GLIS3: variants seen among roughly 807,000 people sequenced by gnomAD.
GLIS3 encodes zinc finger protein GLIS3.
In GLIS3, 53 loss-of-function variants were observed where a neutral mutation model predicts 78.6. The ratio of observed to expected loss-of-function variants is 0.67; its 90% CI spans 0.54 to 0.85. GLIS3 has a LOEUF of 0.85. GLIS3 is among the 40% of genes least tolerant of loss of function. GLIS3 has a pLI of 0.00. For synonymous variants in GLIS3, 684 were observed against 509.9 expected, an observed-to-expected ratio of 1.34 and a Z score of -4.60; for missense variants, 1,703 against 1,231.1, an observed-to-expected ratio of 1.38 and a Z score of -5.74.
At chr9:4,111,260 G>C (rs186099994) in intron 4 of GLIS3, among the ~76,000 whole-genome samples, 91 of 152,252 alleles carry the variant, frequency 6.0e-4, no homozygotes, top group African/African-American at 2.0e-3. Flanking sequence ...CCATCATGTA[G>C]TTAATGATTT....
intron 2 of GLIS3, among the ~76,000 whole-genome samples, chr9:4,321,415 C>T (rs971313559): frequency 2.8e-5 from 1 of 35,274 alleles, no homozygotes; most frequent in South Asian, 1.0e-3. Flanking sequence ...GAGCTAGACT[C>T]CGTCTCAAAA....
intron 2 of GLIS3, among the ~76,000 whole-genome samples, chr9:4,201,474 C>G (rs905266960): frequency 1.3e-5 from 2 of 152,204 alleles, no homozygotes; most frequent in Non-Finnish European, 2.9e-5. Context: ...TGATAAACGA[C>G]TTCAGTGAAG....
intron 4 of GLIS3, among the ~76,000 whole-genome samples, chr9:4,002,063 T>C (rs1174693424): frequency 6.6e-6 from 1 of 152,190 alleles, no homozygotes; most frequent in Admixed American, 6.6e-5. Flanking sequence ...ATTAAGGATT[T>C]CTGATATGGA....
chr9:4,118,597 T>A lies in GLIS3; in HGVS notation c.881A>T (p.His294Leu). The change falls in exon 4 of 11, where the codon CAC (histidine) becomes CTC (leucine). Residue 294 changes from histidine to leucine, a missense_variant. Transcript: ENST00000381971. The surrounding 1 kb of genome is among the most constrained non-coding windows in gnomAD (Gnocchi z 4.7). ...PSPRHSSTRS[H>L]SARSKKRALS... ...CGCTCTCTTCTTGGAGCGGGCCGAG[T>A]GGGACCTGGTGGATGAGTGCCGAGG... is the stretch of plus-strand genomic sequence containing the variant. 6.2e-7 allele frequency: 1 copy of A among 1,614,066 alleles called. No homozygotes were observed. The highest frequency in any genetic ancestry group is 8.5e-7 in the Non-Finnish European group (1 of 1,180,008).
intron 2 of GLIS3, among the ~76,000 whole-genome samples, chr9:4,160,067 T>C (rs981821859): frequency 3.5e-4 from 53 of 152,212 alleles, no homozygotes; most frequent in Non-Finnish European, 7.3e-5. Flanking sequence ...TTTATTATCA[T>C]AAAGGATGAG....
chr9:3,898,984 G>A lies in GLIS3; in HGVS notation c.1984-149C>T, dbSNP rs1823082586. On this transcript the variant is annotated intron_variant, in intron 6 of 10. Transcript: ENST00000381971. ...GGTAAGGCACAGAGCTTAACAGAGT[G>A]TCAATAAAAGGATCAGTTCTCCAAT... 3.2e-6 allele frequency: 3 copies of A among 944,634 alleles called. No individual in the cohort carries two copies. The East Asian group carries it at 7.9e-5, about 25-fold the overall frequency. The allele number at this position is 944,634 out of a possible 1,614,324, so 58.5% of individuals were successfully genotyped here. A position where few individuals can be genotyped will look rare whatever the true frequency, so the allele number is the denominator to read the frequency against.
chr9:3,948,491 T>C (rs1816447522), intron 4 of GLIS3, among the ~76,000 whole-genome samples: 1 of 152,204 alleles, frequency 6.6e-6, no homozygotes, highest in Non-Finnish European at 1.5e-5. Flanking sequence ...TTGATCCCTA[T>C]AATTCTTATG....
At chr9:4,047,792 G>A (rs1264723452) in intron 4 of GLIS3, among the ~76,000 whole-genome samples, 1 of 152,116 alleles carries the variant, frequency 6.6e-6, no homozygotes, top group East Asian at 1.9e-4. Flanking sequence ...CATGAACCTG[G>A]GTGTTATGGC....
the GLIS3 span, among the ~76,000 whole-genome samples, chr9:4,385,778 AAAG>A: frequency 5.4e-5 from 4 of 74,382 alleles, no homozygotes; most frequent in Non-Finnish European, 1.0e-4. Flanking sequence ...AGAAAGAAAG[AAAG>A]AAAGAAAGAA....
At chr9:4,133,290 T>C (rs1364230285) in intron 2 of GLIS3, among the ~76,000 whole-genome samples, 1 of 152,080 alleles carries the variant, frequency 6.6e-6, no homozygotes, top group Admixed American at 6.5e-5. Flanking sequence ...GTATGTAATA[T>C]GCCATCTACA....
chr9:4,202,888 C>T (rs1819529295), intron 2 of GLIS3, among the ~76,000 whole-genome samples: 3 of 152,162 alleles, frequency 2.0e-5, no homozygotes, highest in Admixed American at 2.0e-4. Context: ...CTAGGAAACA[C>T]CATTCTGGAC....
rs140593934 is a variant in GLIS3 at position 3,903,958 on chromosome 9, A to G, written c.1984-5123T>C. ...TGGGGTGTAACACTGAGAGAGAAGG[A>G]AGAAATGAGGTCTGAGGTCACCCTG... On this transcript the variant is annotated intron_variant, in intron 6 of 10. Transcript: ENST00000381971. 2.0e-3 allele frequency among the ~76,000 whole-genome samples: 299 copies of G among 152,248 alleles called. 1 individual carries two copies. The highest frequency in any genetic ancestry group is 6.9e-3 in the African/African-American group (288 of 41,554).
chr9:4,467,255 T>A, the GLIS3 span, among the ~76,000 whole-genome samples: 1 of 152,120 alleles, frequency 6.6e-6, no homozygotes, highest in African/African-American at 2.4e-5. Context: ...GACTTAAACG[T>A]CCCTGTCTGA....
chr9:4,304,117 C>G (rs4741949), upstream of GLIS3, among the ~76,000 whole-genome samples: 12,646 of 152,284 alleles, frequency 0.083, 944 homozygotes, highest in African/African-American at 0.19. Flanking sequence ...AGAATGGTTT[C>G]TTCACCTTCA....
At chr9:4,444,914 G>A in the GLIS3 span, among the ~76,000 whole-genome samples, 1 of 152,188 alleles carries the variant, frequency 6.6e-6, no homozygotes, top group Non-Finnish European at 1.5e-5. Context: ...TGCCTAAGAT[G>A]TCAAAACATC....
chr9:4,172,499 C>G (rs909388915), intron 2 of GLIS3, among the ~76,000 whole-genome samples: 1 of 152,090 alleles, frequency 6.6e-6, no homozygotes, highest in African/African-American at 2.4e-5. Flanking sequence ...TTTTTAAAGT[C>G]CACTTTTATA....
chr9:4,216,338 T>A (rs907381488), intron 2 of GLIS3, among the ~76,000 whole-genome samples: 1 of 151,946 alleles, frequency 6.6e-6, no homozygotes, highest in African/African-American at 2.4e-5. Context: ...CCGGGCGTGG[T>A]GGCGGGTGCC....
the GLIS3 span, among the ~76,000 whole-genome samples, chr9:4,379,974 G>A: frequency 3.5e-4 from 3 of 8,692 alleles, no homozygotes; most frequent in Admixed American, 5.1e-3. Context: ...AGACCCCCAG[G>A]AGGACTTGGG....
the GLIS3 span, among the ~76,000 whole-genome samples, chr9:4,484,091 T>C: frequency 1.3e-5 from 2 of 152,220 alleles, no homozygotes; most frequent in African/African-American, 2.4e-5. Flanking sequence ...AGTATAAATA[T>C]AGTTTAAAAT....
Sources: gnomAD v4.1 joint callset for allele counts (sites outside exome capture counted in the v4.1 genomes callset) on GRCh38, gnomAD v4.1.1 for gene constraint, Gnocchi (gnomAD v3.1) non-coding constraint, MANE v1.5 for transcripts, NCBI Gene and HGNC (gene_info 2026-07-23, HGNC 2026-07-21) for gene names.